MORC1: variants seen among roughly 807,000 people sequenced by gnomAD.
MORC1 encodes the protein MORC family CW-type zinc finger 1, also known as MORC family CW-type zinc finger protein 1.
Under a neutral mutation model 134.9 loss-of-function variants are expected in MORC1, and 59 were observed. The ratio of observed to expected loss-of-function variants is 0.44; its 90% CI spans 0.35 to 0.54. The LOEUF (loss-of-function observed/expected upper bound fraction) is 0.54, where lower values mean the gene tolerates loss of function less well. Among genes scored for constraint, MORC1 ranks in the 20% least tolerant of loss-of-function variants. MORC1 has a pLI of 0.00. For synonymous variants in MORC1, 395 were observed against 391.7 expected (o/e 1.01, Z -0.10); for missense variants, 947 against 1,134.5 (o/e 0.83, Z 2.37).
chr3:108,969,622 C>T, intron 26 of MORC1, 47 bp downstream of exon 26: 1 of 1,531,998 alleles, frequency 6.5e-7, no homozygotes, highest in Non-Finnish European at 9.0e-7. Flanking sequence ...TCCTTTCGAA[C>T]ACAGGATCAT....
intron 3 of MORC1, among the ~76,000 whole-genome samples, chr3:109,105,678 CAAAAA>C (rs5851645): frequency 7.6e-6 from 1 of 131,412 alleles, no homozygotes. Context: ...GACCCTGTCT[CAAAAA>C]AAAAAAAAAA....
At chr3:108,977,602 A>G (rs1559866465) in intron 24 of MORC1, among the ~76,000 whole-genome samples, 1 of 152,192 alleles carries the variant, frequency 6.6e-6, no homozygotes, top group Non-Finnish European at 1.5e-5. Flanking sequence ...TACATTTTTA[A>G]TGATACTCAC....
At position 109,100,402 on chromosome 3, in the gene MORC1, A is replaced by G. The variant is rs1458836618; in HGVS notation, c.314+15T>C. On this transcript the variant is annotated intron_variant, in intron 5 of 27. Transcript: ENST00000232603. ...GTATCAATAATATATGTCTTAAGGG[A>G]AAAAAAATTCTCACCTTTTAAGACC... 6.3e-7 allele frequency: 1 copy of G among 1,575,900 alleles called. No individual in the cohort carries two copies. The highest frequency in any genetic ancestry group is 1.7e-5 in the Admixed American group (1 of 59,838).
In MORC1 at chr3:109,016,589, G is replaced by A. The variant is rs377541732; in HGVS notation, c.1705-9498C>T. 1.1e-4 allele frequency among the ~76,000 whole-genome samples: 16 copies of A among 152,266 alleles called. No individual in the cohort carries two copies. In the East Asian group the frequency reaches 1.4e-3, roughly 13 times the overall value. ...ACATGAAAAAGGTCCCAGGCCGGGCGCAGTGGCTCATGCCTGTAATCCCAG... is the reference window on the plus strand; with the variant it reads ...ACATGAAAAAGGTCCCAGGCCGGGCACAGTGGCTCATGCCTGTAATCCCAG... On this transcript the variant is annotated intron_variant, in intron 17 of 27. Transcript: ENST00000232603.
At chr3:109,042,834 C>T (rs1949585322) in intron 14 of MORC1, among the ~76,000 whole-genome samples, 1 of 151,838 alleles carries the variant, frequency 6.6e-6, no homozygotes, top group South Asian at 2.1e-4. Flanking sequence ...CACTGAAAGA[C>T]AAATACTGTA....
chr3:108,960,987 T>G (rs1475630928), intron 27 of MORC1, among the ~76,000 whole-genome samples: 1 of 152,196 alleles, frequency 6.6e-6, no homozygotes, highest in Non-Finnish European at 1.5e-5. Context: ...AAATAAAGTT[T>G]ACATTTTGAC....
intron 14 of MORC1, among the ~76,000 whole-genome samples, chr3:109,054,200 GA>G (rs1949899411): frequency 6.6e-6 from 1 of 151,338 alleles, no homozygotes; most frequent in Non-Finnish European, 1.5e-5. Flanking sequence ...AGAATTGCTT[GA>G]ACCAGGGAGA....
chr3:108,959,001 G>A lies in MORC1; in HGVS notation c.2919C>T (p.Leu973=). 6.6e-7 allele frequency: 1 copy of A among 1,524,006 alleles called. No homozygotes were observed. The highest frequency in any genetic ancestry group is 8.8e-7 in the Non-Finnish European group (1 of 1,138,382). The allele number at this position is 1,524,006 out of a possible 1,614,324, so 94.4% of individuals were successfully genotyped here. The change falls in exon 28 of 28, where the codon CTC becomes CTT. Residue 973 remains leucine, a synonymous_variant. Coordinates refer to ENST00000232603, the MANE Select transcript of MORC1 (RefSeq NM_014429.4). ...NKVTIDARHR[L]PLEKNEKTSE... is the part of the protein sequence containing the mutation. The stretch of plus-strand genomic sequence containing the variant: ...AAGTCTTTTCATTTTTTTCTAAAGG[G>A]AGTCTATGTCTTGCATCTATAGTTA...
chr3:109,102,049 A>AT (rs1950937226), intron 4 of MORC1, among the ~76,000 whole-genome samples: 2 of 152,226 alleles, frequency 1.3e-5, no homozygotes, highest in Admixed American at 1.3e-4. Flanking sequence ...TAGGAGAAAC[A>AT]GATTGAAAGT....
At chr3:109,011,510 T>C (rs1202532611) in intron 17 of MORC1, among the ~76,000 whole-genome samples, 3 of 151,820 alleles carry the variant, frequency 2.0e-5, no homozygotes, top group Non-Finnish European at 4.4e-5. Context: ...TTATTGTTTT[T>C]GTGCTTTGTT....
intron 3 of MORC1, 80 bp downstream of exon 3, chr3:109,110,669 T>C (rs1386467217): frequency 8.2e-7 from 1 of 1,221,172 alleles, no homozygotes; most frequent in Non-Finnish European, 1.2e-6. Context: ...TGTGGTTTTA[T>C]TTCATGAAAT....
rs114758544 is a variant in MORC1 at position 109,057,456 on chromosome 3, C to A, written c.1062G>T (p.Leu354=). 13,344 of 1,605,782 alleles carry A rather than the reference C, an allele frequency of 8.3e-3. 111 individuals are homozygous for A. The highest frequency in any genetic ancestry group is 0.022 in the South Asian group (1,978 of 88,592). The change falls in exon 13 of 28, where the codon CTG becomes CTT. Residue 354 remains leucine, a synonymous_variant. Transcript: ENST00000232603. The part of the protein sequence containing the change: ...RELKTARTLS[L]FYGVNVENRS... Reference sequence around the variant, plus strand: ...GGTTTTCTACGTTCACTCCATAGAACAGGGAGAGCGTTCTTGCTGTTTTTA... The same window carrying A: ...GGTTTTCTACGTTCACTCCATAGAAAAGGGAGAGCGTTCTTGCTGTTTTTA...
intron 8 of MORC1, among the ~76,000 whole-genome samples, chr3:109,084,078 C>A (rs765599563): frequency 6.6e-6 from 1 of 152,046 alleles, no homozygotes; most frequent in South Asian, 2.1e-4. Flanking sequence ...AAATTGAAAG[C>A]CTTTCCTCTA....
At chr3:108,998,502 C>T (rs1948301450) in intron 21 of MORC1, among the ~76,000 whole-genome samples, 1 of 152,098 alleles carries the variant, frequency 6.6e-6, no homozygotes, top group Admixed American at 6.5e-5. Flanking sequence ...AAGTGACAAC[C>T]TCCTGCACCA....
chr3:109,082,519 C>T (rs1484337876), intron 8 of MORC1, among the ~76,000 whole-genome samples: 10 of 152,018 alleles, frequency 6.6e-5, no homozygotes, highest in Admixed American at 6.6e-4. Flanking sequence ...TTTAAGGAAA[C>T]TCAGTGGTCT....
rs749098694 is a variant in MORC1 at position 109,032,803 on chromosome 3, G to C, written c.1482C>G (p.Val494=). The change falls in exon 16 of 28, where the codon GTC becomes GTG. Residue 494 remains valine (V), a synonymous_variant. Transcript: ENST00000232603. ...CCTGATAATTAGTAGAGGAAGGCAA[G>C]ACTCTCCATTTAAGACAAAGATCTG... ...IQCDLCLKWR[V]LPSSTNYQEK... 1 of 1,601,332 alleles carries C rather than the reference G, an allele frequency of 6.2e-7. No homozygotes were observed. The highest frequency in any genetic ancestry group is 2.2e-5 in the East Asian group (1 of 44,650).
intron 14 of MORC1, among the ~76,000 whole-genome samples, chr3:109,040,998 G>A (rs1425073362): frequency 6.6e-6 from 1 of 151,852 alleles, no homozygotes; most frequent in Non-Finnish European, 1.5e-5. Context: ...GAGGGATACA[G>A]AGTCAGATTT....
intron 8 of MORC1, among the ~76,000 whole-genome samples, chr3:109,076,103 C>A (rs1292454449): frequency 6.6e-6 from 1 of 152,128 alleles, no homozygotes; most frequent in East Asian, 1.9e-4. Flanking sequence ...GGGCTACTAT[C>A]CAGAATCTAC....
intron 14 of MORC1, among the ~76,000 whole-genome samples, chr3:109,052,338 G>C (rs150330617): frequency 1.0e-3 from 155 of 152,236 alleles, no homozygotes; most frequent in African/African-American, 3.4e-3. Context: ...ACTCTTCAGA[G>C]CAGTGCTTCT....
Sources: gnomAD v4.1 joint callset for allele counts (sites outside exome capture counted in the v4.1 genomes callset) on GRCh38, gnomAD v4.1.1 for gene constraint, MANE v1.5 for transcripts, NCBI Gene and HGNC (gene_info 2026-07-23, HGNC 2026-07-21) for gene names.